Variants in RERE observed in about 807,000 individuals in gnomAD.
RERE encodes the protein arginine-glutamic acid dipeptide repeats.
A neutral mutation model predicts 146.1 loss-of-function variants in RERE; 40 were observed. The ratio of observed to expected loss-of-function variants is 0.27; its 90% CI spans 0.21 to 0.36. RERE has a LOEUF of 0.36. Ranked by LOEUF, RERE falls within the 10% of genes least tolerant of loss-of-function variation. The pLI, the probability that RERE is intolerant of heterozygous loss-of-function variation, is 1.00. For missense variants in RERE, 1,933 were observed against 2,138.7 expected (o/e 0.90, Z 1.90); for synonymous variants, 1,003 against 866.0 (o/e 1.16, Z -2.78).
At chr1:8,525,100 C>T (rs1262527199) in intron 7 of RERE, among the ~76,000 whole-genome samples, 1 of 152,144 alleles carries the variant, frequency 6.6e-6, no homozygotes, top group East Asian at 1.9e-4. Flanking sequence ...GAAGATGAGT[C>T]TGCTTCCTTT....
chr1:8,561,528 T>G (rs915385950), intron 4 of RERE, among the ~76,000 whole-genome samples: 2 of 152,196 alleles, frequency 1.3e-5, no homozygotes, highest in Admixed American at 6.5e-5. Context: ...AGTGAAGGGG[T>G]GGAACAAAAT....
intron 7 of RERE, among the ~76,000 whole-genome samples, chr1:8,540,779 T>C (rs1273983053): frequency 6.6e-6 from 1 of 152,208 alleles, no homozygotes; most frequent in African/African-American, 2.4e-5. Context: ...TTCCTGGAGT[T>C]TTATTACCAA....
In RERE at chr1:8,356,314, G is replaced by A; in HGVS notation, c.4340-68C>T. 2 of 1,411,208 alleles carry A rather than the reference G, an allele frequency of 1.4e-6. No homozygotes were observed. The highest frequency in any genetic ancestry group is 1.8e-6 in the Non-Finnish European group (2 of 1,084,424). 87.4% of individuals were successfully genotyped at this position (1,411,208 alleles called of 1,614,324 possible). ...CTTCAATGTTTGTCCCCCTTGGCTG[G>A]AATGACCGATGACTTCCTCCTCACC... On this transcript the variant is annotated intron_variant, in intron 20 of 22. Transcript: ENST00000400908. The surrounding 1 kb of genome is among the most constrained non-coding windows in gnomAD (Gnocchi z 5.2).
intron 7 of RERE, among the ~76,000 whole-genome samples, chr1:8,511,184 C>A (rs553309380): frequency 1.3e-4 from 20 of 152,194 alleles, no homozygotes; most frequent in Middle Eastern, 6.8e-3. Context: ...TCACGTATTT[C>A]CATAAAAATA....
At chr1:8,728,004 T>C (rs1475983856) in intron 1 of RERE, among the ~76,000 whole-genome samples, 1 of 152,240 alleles carries the variant, frequency 6.6e-6, no homozygotes, top group Admixed American at 6.5e-5. Context: ...TTTGACCACA[T>C]GCACACGAAC....
chr1:8,462,628 G>C (rs1449791675), intron 11 of RERE, among the ~76,000 whole-genome samples: 1 of 152,234 alleles, frequency 6.6e-6, no homozygotes, highest in Non-Finnish European at 1.5e-5. Context: ...CCCTCTCACA[G>C]AGCAGCTGCT....
chr1:8,642,505 G>A (rs1360819870), intron 2 of RERE, among the ~76,000 whole-genome samples: 1 of 152,174 alleles, frequency 6.6e-6, no homozygotes, highest in African/African-American at 2.4e-5. Context: ...GAAGAGTTAA[G>A]TACTTGAGGT....
intron 2 of RERE, among the ~76,000 whole-genome samples, chr1:8,645,679 G>A (rs1425658680): frequency 1.3e-5 from 2 of 152,154 alleles, no homozygotes; most frequent in African/African-American, 4.8e-5. Context: ...AACAACTACA[G>A]TACAGGTTTC....
chr1:8,667,433 C>CG (rs895689206), intron 1 of RERE, among the ~76,000 whole-genome samples: 4 of 152,098 alleles, frequency 2.6e-5, no homozygotes, highest in African/African-American at 4.8e-5. Context: ...CCAGCATGTT[C>CG]GGGGGGCCGA....
At chr1:8,696,348 C>T (rs186878989) in intron 1 of RERE, among the ~76,000 whole-genome samples, 16 of 152,264 alleles carry the variant, frequency 1.1e-4, no homozygotes, top group East Asian at 5.8e-4. Flanking sequence ...TACGGTAGCT[C>T]GCGTCTGTAA....
At position 8,468,309 on chromosome 1, in the gene RERE, T is replaced by C. The variant is rs1644631261; in HGVS notation, c.1105-2286A>G. 4.6e-5 allele frequency among the ~76,000 whole-genome samples: 7 copies of C among 152,320 alleles called. 1 individual carries two copies. The South Asian group carries it at 1.4e-3, about 32-fold the overall frequency. On this transcript the variant is annotated intron_variant, in intron 10 of 22. Transcript: ENST00000400908. ...CCAACCTAGGCTTCTTTCAGACGTA[T>C]AAAAAGATCTGAAATAAAGTCAGAT... is the stretch of plus-strand genomic sequence containing the variant.
chr1:8,653,459 G>C (rs1337024516), intron 2 of RERE, among the ~76,000 whole-genome samples: 3 of 152,168 alleles, frequency 2.0e-5, no homozygotes, highest in African/African-American at 7.2e-5. Flanking sequence ...TGTAATCCCA[G>C]CACTTTGGGA....
chr1:8,358,045 G>A (rs1418571222), intron 20 of RERE, 151 bp downstream of exon 20: 11 of 1,357,356 alleles, frequency 8.1e-6, no homozygotes, highest in South Asian at 4.3e-5. Flanking sequence ...AAACCATGAC[G>A]GTAGTGGATG....
At chr1:8,750,896 CAT>C (rs1056926302) in intron 1 of RERE, 1 of 830,914 alleles carries the variant, frequency 1.2e-6, no homozygotes, top group African/African-American at 1.7e-5. Flanking sequence ...AATCTACAAG[CAT>C]AGTTATGGCA....
rs34276909 is a variant in RERE, at chr1:8,638,783, A to ATTTTTTTT, written c.326-14411_326-14404dup. Among the ~76,000 whole-genome samples, 152 of 100,322 alleles carry ATTTTTTTT rather than the reference A, an allele frequency of 1.5e-3. 2 individuals are homozygous for ATTTTTTTT. Among genetic ancestry groups the ATTTTTTTT allele is most frequent in the African/African-American group, 6.2e-3 (148 of 23,848 alleles). The allele number at this position is 100,322 out of a possible 152,430, so 65.8% of individuals were successfully genotyped here. On this transcript the variant is annotated intron_variant, in intron 2 of 22. Transcript: ENST00000400908. ...GAAGGAAACTCATAGACGAAAAAAAATTTTTTTTTTTTTTTTTTTTTTTTT... is the reference window on the plus strand; with the variant it reads ...GAAGGAAACTCATAGACGAAAAAAAATTTTTTTTTTTTTTTTTTTTTTTTTTTTTTTTT...
intron 2 of RERE, among the ~76,000 whole-genome samples, chr1:8,652,089 T>C (rs1647659596): frequency 6.6e-6 from 1 of 152,130 alleles, no homozygotes; most frequent in Admixed American, 6.5e-5. Flanking sequence ...CTAACTCAGC[T>C]TCAAATCCAT....
At chr1:8,574,690 T>C (rs1349939393) in intron 4 of RERE, among the ~76,000 whole-genome samples, 1 of 152,212 alleles carries the variant, frequency 6.6e-6, no homozygotes, top group Non-Finnish European at 1.5e-5. Flanking sequence ...AAATATATAT[T>C]GCATTTCATT....
chr1:8,370,941 G>C (rs1412351112), intron 12 of RERE, among the ~76,000 whole-genome samples: 2 of 152,170 alleles, frequency 1.3e-5, no homozygotes, highest in African/African-American at 4.8e-5. Context: ...CAAACACAGA[G>C]GTATAAAATG....
intron 1 of RERE, among the ~76,000 whole-genome samples, chr1:8,706,333 C>A (rs941104777): frequency 2.0e-5 from 3 of 151,968 alleles, no homozygotes; most frequent in African/African-American, 4.8e-5. Context: ...GGATTTTTAT[C>A]CCCATTTTAT....
Sources: gnomAD v4.1 joint callset for allele counts (sites outside exome capture counted in the v4.1 genomes callset) on GRCh38, gnomAD v4.1.1 for gene constraint, Gnocchi (gnomAD v3.1) non-coding constraint, MANE v1.5 for transcripts, NCBI Gene and HGNC (gene_info 2026-07-23, HGNC 2026-07-21) for gene names.